The following ZNF423 variants were observed in gnomAD, a reference collection of about 807,000 sequenced individuals.
The protein encoded by ZNF423 is zinc finger protein 423.
Under a neutral mutation model 95.8 loss-of-function variants are expected in ZNF423, and 12 were observed. That is an observed-to-expected ratio of 0.13 (90% CI 0.08 to 0.20). The LOEUF is 0.20. ZNF423 is among the 10% of genes least tolerant of loss of function. The pLI is 1.00. For synonymous variants in ZNF423, 749 were observed against 711.9 expected (o/e 1.05, Z -0.83); for missense variants, 1,316 against 1,737.1 (o/e 0.76, Z 4.31).
chr16:49,652,251 T>C (rs955435281), intron 3 of ZNF423, among the ~76,000 whole-genome samples: 4 of 149,648 alleles, frequency 2.7e-5, no homozygotes, highest in African/African-American at 9.9e-5. Context: ...ACACACAGCC[T>C]GCCAGGCAGC....
At chr16:49,568,495 CA>C (rs1021659565) in intron 5 of ZNF423, among the ~76,000 whole-genome samples, 2 of 152,078 alleles carry the variant, frequency 1.3e-5, no homozygotes, top group African/African-American at 4.8e-5. Context: ...TCTTGCAACT[CA>C]AAAAACCTCT....
chr16:49,674,153 T>TAC (rs1490730952), intron 3 of ZNF423, among the ~76,000 whole-genome samples: 1 of 152,206 alleles, frequency 6.6e-6, no homozygotes, highest in Non-Finnish European at 1.5e-5. Context: ...CTAGCATGGG[T>TAC]ACTTTTTTAA....
intron 7 of ZNF423, among the ~76,000 whole-genome samples, chr16:49,514,214 G>GCACACACA (rs1968032242): frequency 2.8e-5 from 1 of 35,446 alleles, no homozygotes; most frequent in South Asian, 5.3e-4. Flanking sequence ...ACACACACAT[G>GCACACACA]CACACGCACA....
intron 2 of ZNF423, among the ~76,000 whole-genome samples, chr16:49,760,745 G>T (rs1346536103): frequency 6.6e-6 from 1 of 152,020 alleles, no homozygotes; most frequent in Non-Finnish European, 1.5e-5. Flanking sequence ...CCTGACTCTT[G>T]ATTGAAAAGC....
chr16:49,727,851 G>C (rs776253190), intron 3 of ZNF423, among the ~76,000 whole-genome samples: 1 of 152,210 alleles, frequency 6.6e-6, no homozygotes, highest in Non-Finnish European at 1.5e-5. Context: ...TCTCGGACAC[G>C]GTCTCTATTG....
At chr16:49,578,015 C>T (rs1970553243) in intron 5 of ZNF423, among the ~76,000 whole-genome samples, 1 of 152,228 alleles carries the variant, frequency 6.6e-6, no homozygotes. Context: ...GAATGTCCAG[C>T]ACCTGCATTT....
At chr16:49,768,419 T>G (rs2033970049) in intron 2 of ZNF423, among the ~76,000 whole-genome samples, 1 of 152,222 alleles carries the variant, frequency 6.6e-6, no homozygotes, top group South Asian at 2.1e-4. Context: ...ACACGTCTCC[T>G]GCAACCTGGC....
At chr16:49,803,060 G>C (rs1436315806) in intron 1 of ZNF423, among the ~76,000 whole-genome samples, 1 of 151,962 alleles carries the variant, frequency 6.6e-6, no homozygotes, top group Non-Finnish European at 1.5e-5. Context: ...TTCGAGACCA[G>C]CCTAGGCAAC....
At chr16:49,585,458 TG>T (rs1347296018) in intron 5 of ZNF423, among the ~76,000 whole-genome samples, 1 of 151,956 alleles carries the variant, frequency 6.6e-6, no homozygotes, top group African/African-American at 2.4e-5. Context: ...CAGGCCTCGA[TG>T]GGGGGATGAG....
At chr16:49,572,186 C>T (rs1317038678) in intron 5 of ZNF423, among the ~76,000 whole-genome samples, 1 of 152,158 alleles carries the variant, frequency 6.6e-6, no homozygotes, top group African/African-American at 2.4e-5. Flanking sequence ...AGACCTGCAG[C>T]TGCCTGAAAT....
intron 7 of ZNF423, among the ~76,000 whole-genome samples, chr16:49,496,191 C>T (rs1967159440): frequency 6.6e-6 from 1 of 152,240 alleles, no homozygotes; most frequent in Admixed American, 6.5e-5. Context: ...CTGCCACTTA[C>T]TGGCCATGTG....
intron 3 of ZNF423, among the ~76,000 whole-genome samples, chr16:49,665,057 G>A (rs1488014025): frequency 6.6e-6 from 1 of 152,208 alleles, no homozygotes; most frequent in Non-Finnish European, 1.5e-5. Flanking sequence ...GCCTGGGGCT[G>A]GGGACTGGCC....
At chr16:49,620,200 TACACACACAG>T (rs1972021349) in intron 5 of ZNF423, among the ~76,000 whole-genome samples, 4 of 134,710 alleles carry the variant, frequency 3.0e-5, no homozygotes, top group South Asian at 2.4e-4. Context: ...CACATACACA[TACACACACAG>T]ACACACACAT....
rs146143083 is a variant in ZNF423, at chr16:49,825,432, A to G, written c.40+30303T>C. The stretch of plus-strand genomic sequence containing the variant: ...AAGCTCCCATTCTCTCTTTCTCTCC[A>G]TACATATATATAATATATACTTTTT... On this transcript the variant is annotated intron_variant, in intron 1 of 7. Coordinates refer to ENST00000563137, the MANE Select transcript of ZNF423 (RefSeq NM_001379286.1). Among the ~76,000 whole-genome samples, 734 of 152,144 alleles carry G rather than the reference A, an allele frequency of 4.8e-3. 7 individuals are homozygous for G. Among genetic ancestry groups the G allele is most frequent in the African/African-American group, 0.017 (688 of 41,514 alleles).
intron 5 of ZNF423, among the ~76,000 whole-genome samples, chr16:49,571,639 G>C (rs143293054): frequency 1.3e-3 from 191 of 152,294 alleles, no homozygotes; most frequent in African/African-American, 4.5e-3. Context: ...TCCAGACAGG[G>C]AGACACATTC....
At chr16:49,611,546 A>G (rs886103050) in intron 5 of ZNF423, among the ~76,000 whole-genome samples, 8 of 151,992 alleles carry the variant, frequency 5.3e-5, no homozygotes, top group African/African-American at 1.9e-4. Context: ...TAAAGAGAAA[A>G]AGTCTCAAAT....
intron 5 of ZNF423, among the ~76,000 whole-genome samples, chr16:49,588,741 T>C (rs887973609): frequency 6.6e-5 from 10 of 152,240 alleles, no homozygotes; most frequent in Non-Finnish European, 1.3e-4. Flanking sequence ...CTATATCTTT[T>C]AAAATATCTA....
At chr16:49,608,291 AG>A (rs1971606708) in intron 5 of ZNF423, among the ~76,000 whole-genome samples, 1 of 152,152 alleles carries the variant, frequency 6.6e-6, no homozygotes, top group Non-Finnish European at 1.5e-5. Flanking sequence ...TGCCACCAAC[AG>A]GCGAGTCAGA....
chr16:49,825,060 A>G (rs1351074011), intron 1 of ZNF423, among the ~76,000 whole-genome samples: 4 of 152,154 alleles, frequency 2.6e-5, no homozygotes, highest in Non-Finnish European at 5.9e-5. Flanking sequence ...ATAGTTTTAG[A>G]TTTGCATTTT....
Sources: allele counts gnomAD v4.1 joint callset (sites outside exome capture counted in the v4.1 genomes callset), GRCh38; gene constraint gnomAD v4.1.1; transcripts MANE v1.5; gene names NCBI Gene and HGNC (gene_info 2026-07-23, HGNC 2026-07-21).